FJX1: variants seen among roughly 807,000 people sequenced by gnomAD.
FJX1 encodes four-jointed box kinase 1, also known as four-jointed box protein 1.
In FJX1, 21 loss-of-function variants were observed where a neutral mutation model predicts 28.7. That is an observed-to-expected ratio of 0.73 (90% CI 0.52 to 1.05). The LOEUF (loss-of-function observed/expected upper bound fraction) is 1.05, where lower values mean the gene tolerates loss of function less well. FJX1 is among the 50% of genes least tolerant of loss of function. The probability of loss-of-function intolerance (pLI) is 0.00; values close to 1 mark genes in which losing one functional copy is unlikely to be tolerated. For synonymous variants in FJX1, 363 were observed against 310.0 expected, an observed-to-expected ratio of 1.17 and a Z score of -1.80; for missense variants, 683 against 647.2, an observed-to-expected ratio of 1.06 and a Z score of -0.60.
In FJX1 at chr11:35,620,061, G is replaced by A; in HGVS notation, c.*111G>A. ...CAGCCGGCCAACGCCCACCCGCAAA[G>A]GTGTCTAAAAACTTCAGCTTTTCAC... On this transcript the variant is annotated 3_prime_UTR_variant, in exon 1 of 1. Transcript: ENST00000317811. The A allele has an allele frequency of 6.8e-7, 1 of 1,481,418 alleles. No homozygotes were observed. The highest frequency in any genetic ancestry group is 9.0e-7 in the Non-Finnish European group (1 of 1,107,812). 91.8% of individuals were successfully genotyped at this position (1,481,418 alleles called of 1,614,324 possible).
Position 35,620,024 on chromosome 11 carries a change from A to G in FJX1, c.*74A>G. The G allele has an allele frequency of 2.6e-6, 4 of 1,535,222 alleles. No individual in the cohort carries two copies. Among genetic ancestry groups the G allele is most frequent in the Non-Finnish European group, 3.5e-6 (4 of 1,143,080 alleles). ...GGGGGGAAGGGCGGTCGCCTCTGCC[A>G]CTGTCAGGGACCAGCCGGCCAACGC... is the stretch of plus-strand genomic sequence containing the variant. On this transcript the variant is annotated 3_prime_UTR_variant, in exon 1 of 1. Transcript: ENST00000317811.
rs1417853045 is a variant in FJX1, at chr11:35,619,087, G to A, written c.451G>A (p.Ala151Thr). 4.0e-6 allele frequency: 6 copies of A among 1,489,620 alleles called. No individual in the cohort carries two copies. The highest frequency in any genetic ancestry group is 2.0e-4 in the Middle Eastern group (1 of 4,980). The allele number at this position is 1,489,620 out of a possible 1,614,324, so 92.3% of individuals were successfully genotyped here. A position where few individuals can be genotyped will look rare whatever the true frequency, so the allele number is the denominator to read the frequency against. ...GGCGTGGCTGGAGGCGGCTCGCGGC[G>A]CCCGGATGGTGGCCCTGGAGCGCGG... ...AAAWLEAARG[A>T]RMVALERGGC... is the part of the protein sequence containing the mutation. The change falls in exon 1 of 1, where the codon GCC becomes ACC. Residue 151 changes from alanine to threonine, a missense_variant. Coordinates refer to ENST00000317811, the MANE Select transcript of FJX1 (RefSeq NM_014344.4). This position sits in a 1 kb window ranked among gnomAD's most constrained non-coding sequence, Gnocchi z 7.6.
rs770875774 is a variant in FJX1 at position 35,619,947 on chromosome 11, T to A, written c.1311T>A (p.Thr437=). The A allele has an allele frequency of 3.1e-4, 486 of 1,588,234 alleles. No homozygotes were observed. Among genetic ancestry groups the A allele is most frequent in the Non-Finnish European group, 3.7e-4 (432 of 1,168,476 alleles). ...CCAAGTACGGCCGCCGGTCTGGGAC[T>A]TAGTGTCACCGGGAGGAAAAGAGAG... ...CKAKYGRRSG[T] The change falls in exon 1 of 1, where the codon ACT becomes ACA. Residue 437 remains threonine (T), a synonymous_variant. Transcript: ENST00000317811. The surrounding 1 kb of genome is among the most constrained non-coding windows in gnomAD (Gnocchi z 7.6).
Position 35,619,684 on chromosome 11 carries a change from G to A in FJX1, c.1048G>A (p.Ala350Thr), listed in dbSNP as rs1250351286. 6.2e-7 allele frequency: 1 copy of A among 1,607,150 alleles called. No homozygotes were observed. The highest frequency in any genetic ancestry group is 8.5e-7 in the Non-Finnish European group (1 of 1,178,172). The change falls in exon 1 of 1, where the codon GCA becomes ACA. Residue 350 changes from alanine (A) to threonine (T), a missense_variant. Transcript: ENST00000317811. The surrounding 1 kb of genome is among the most constrained non-coding windows in gnomAD (Gnocchi z 7.6). Reference protein sequence around the residue: ...EAGLVHGYRVAGMWDKYNEPL... With the variant: ...EAGLVHGYRVTGMWDKYNEPL... ...GGGCTTGGTGCACGGCTACCGGGTA[G>A]CAGGCATGTGGGACAAGTATAACGA...
Position 35,619,516 on chromosome 11 carries a change from C to G in FJX1, c.880C>G (p.Leu294Val). The G allele has an allele frequency of 6.3e-7, 1 of 1,599,920 alleles. No individual in the cohort carries two copies. The change falls in exon 1 of 1, where the codon CTT becomes GTT. Residue 294 changes from leucine (L) to valine (V), a missense_variant. Leu to Val is a conservative substitution (Grantham distance 32, BLOSUM62 1). Coordinates refer to ENST00000317811, the MANE Select transcript of FJX1 (RefSeq NM_014344.4). This position sits in a 1 kb window ranked among gnomAD's most constrained non-coding sequence, Gnocchi z 7.6. ...VDLVQWTDLI[L>V]FDYLTANFDR... ...CCTAGTACAATGGACCGACTTAATC[C>G]TTTTCGACTACCTGACGGCCAACTT...
At position 35,619,505 on chromosome 11, in the gene FJX1, C is replaced by G. The variant is rs1412746215; in HGVS notation, c.869C>G (p.Thr290Ser). The change falls in exon 1 of 1, where the codon ACC becomes AGC. Residue 290 changes from threonine (T) to serine (S), a missense_variant. Transcript: ENST00000317811. The surrounding 1 kb of genome is among the most constrained non-coding windows in gnomAD (Gnocchi z 7.6). ...GAGCTGGTGGACCTAGTACAATGGACCGACTTAATCCTTTTCGACTACCTG... is the reference window on the plus strand; with the variant it reads ...GAGCTGGTGGACCTAGTACAATGGAGCGACTTAATCCTTTTCGACTACCTG... The part of the protein sequence containing the change: ...QAELVDLVQW[T>S]DLILFDYLTA... 3.1e-6 allele frequency: 5 copies of G among 1,599,512 alleles called. No homozygotes were observed. In the African/African-American group the frequency reaches 4.0e-5, roughly 13 times the overall value.
In FJX1 at chr11:35,618,827, T is replaced by C; in HGVS notation, c.191T>C (p.Leu64Pro). ...CCCGCGCCCGCGCCTCGCTTCCCTC[T>C]GCCCCCGCCCCTGGCGTGGGACGCC... The part of the protein sequence containing the change: ...GGPAPAPRFP[L>P]PPPLAWDARG... The change falls in exon 1 of 1, where the codon CTG (leucine) becomes CCG (proline). Residue 64 changes from leucine (L) to proline (P), a missense_variant. Physicochemically the swap from Leu to Pro is moderately conservative, Grantham distance 98. Transcript: ENST00000317811. This position sits in a 1 kb window ranked among gnomAD's most constrained non-coding sequence, Gnocchi z 4.2. 1 of 1,304,266 alleles carries C rather than the reference T, an allele frequency of 7.7e-7. No homozygotes were observed. The highest frequency in any genetic ancestry group is 3.3e-5 in the East Asian group (1 of 30,684). 80.8% of individuals were successfully genotyped at this position (1,304,266 alleles called of 1,614,324 possible).
Position 35,618,758 on chromosome 11 carries a change from C to T in FJX1, c.122C>T (p.Pro41Leu). Reference sequence around the variant, plus strand: ...CGGACCGAGCTGCCCGCCTCCCGGCCGCCCGAAGACCGACTCCCACGGCGC... The same window carrying T: ...CGGACCGAGCTGCCCGCCTCCCGGCTGCCCGAAGACCGACTCCCACGGCGC... ...PPRTELPASR[P>L]PEDRLPRRPA... is the part of the protein sequence containing the mutation. The change falls in exon 1 of 1, where the codon CCG becomes CTG. Residue 41 changes from proline (P) to leucine (L), a missense_variant. Coordinates refer to ENST00000317811, the MANE Select transcript of FJX1 (RefSeq NM_014344.4). The surrounding 1 kb of genome is among the most constrained non-coding windows in gnomAD (Gnocchi z 4.2). 8.0e-7 allele frequency: 1 copy of T among 1,250,192 alleles called. No homozygotes were observed. The highest frequency in any genetic ancestry group is 1.0e-6 in the Non-Finnish European group (1 of 987,232). 77.4% of individuals were successfully genotyped at this position (1,250,192 alleles called of 1,614,324 possible). A position where few individuals can be genotyped will look rare whatever the true frequency, so the allele number is the denominator to read the frequency against.
In FJX1 at chr11:35,618,568, C is replaced by G. The variant is rs2135462581; in HGVS notation, c.-69C>G. On this transcript the variant is annotated 5_prime_UTR_variant, in exon 1 of 1. Coordinates refer to ENST00000317811, the MANE Select transcript of FJX1 (RefSeq NM_014344.4). The surrounding 1 kb of genome is among the most constrained non-coding windows in gnomAD (Gnocchi z 4.2). ...AGCCCACAAACTGCCGGGCCCGCCTCGCCGCCGGGACCCGGGTGCCTGGGC... is the reference window on the plus strand; with the variant it reads ...AGCCCACAAACTGCCGGGCCCGCCTGGCCGCCGGGACCCGGGTGCCTGGGC... 12 of 1,083,132 alleles carry G rather than the reference C, an allele frequency of 1.1e-5. No individual in the cohort carries two copies. The highest frequency in any genetic ancestry group is 1.3e-5 in the Non-Finnish European group (12 of 894,346). 67.1% of individuals were successfully genotyped at this position (1,083,132 alleles called of 1,614,324 possible).
In FJX1 at chr11:35,620,244, G is replaced by T; in HGVS notation, c.*294G>T. ...ATTGGATCCGAAGAAACTGGCTACT[G>T]GGGTTTGGCCCCCGAGTGGCCGTCC... On this transcript the variant is annotated 3_prime_UTR_variant, in exon 1 of 1. Transcript: ENST00000317811. The T allele has an allele frequency of 2.0e-6, 1 of 507,340 alleles. No individual in the cohort carries two copies. Among genetic ancestry groups the T allele is most frequent in the Non-Finnish European group, 3.5e-6 (1 of 283,658 alleles). 31.4% of individuals were successfully genotyped at this position (507,340 alleles called of 1,614,324 possible). A position where few individuals can be genotyped will look rare whatever the true frequency, so the allele number is the denominator to read the frequency against.
chr11:35,620,664 A>G lies in FJX1; in HGVS notation c.*714A>G, dbSNP rs1850890432. 6.0e-6 allele frequency: 1 copy of G among 166,798 alleles called. No individual in the cohort carries two copies. Among genetic ancestry groups the G allele is most frequent in the Non-Finnish European group, 1.5e-5 (1 of 68,084 alleles). 10.3% of individuals were successfully genotyped at this position (166,798 alleles called of 1,614,324 possible). On this transcript the variant is annotated 3_prime_UTR_variant, in exon 1 of 1. Transcript: ENST00000317811. ...AATTTCTTCCTCCCTCTCGCAACCG[A>G]CCAAAATTTTGACAACGATGATGTT...
chr11:35,620,072 A>G lies in FJX1; in HGVS notation c.*122A>G. 6.9e-7 allele frequency: 1 copy of G among 1,445,462 alleles called. No individual in the cohort carries two copies. The highest frequency in any genetic ancestry group is 9.3e-7 in the Non-Finnish European group (1 of 1,077,444). 89.5% of individuals were successfully genotyped at this position (1,445,462 alleles called of 1,614,324 possible). A position where few individuals can be genotyped will look rare whatever the true frequency, so the allele number is the denominator to read the frequency against. On this transcript the variant is annotated 3_prime_UTR_variant, in exon 1 of 1. Transcript: ENST00000317811. ...CGCCCACCCGCAAAGGTGTCTAAAA[A>G]CTTCAGCTTTTCACCCACCTGCCCC...
In FJX1 at chr11:35,620,437, T is replaced by G. The variant is rs1850886707; in HGVS notation, c.*487T>G. 9.1e-6 allele frequency: 2 copies of G among 220,086 alleles called. No homozygotes were observed. Among genetic ancestry groups the G allele is most frequent in the Non-Finnish European group, 1.9e-5 (2 of 103,346 alleles). The allele number at this position is 220,086 out of a possible 1,614,324, so 13.6% of individuals were successfully genotyped here. On this transcript the variant is annotated 3_prime_UTR_variant, in exon 1 of 1. Transcript: ENST00000317811. ...CTGGTGGAGCCCCCTTCCTGTGTTC[T>G]CCCTTTGTTCCAGCGCCGCGATGGT... is the stretch of plus-strand genomic sequence containing the variant.
At position 35,620,030 on chromosome 11, in the gene FJX1, A is replaced by G. The variant is rs1266861441; in HGVS notation, c.*80A>G. 1 of 1,530,692 alleles carries G rather than the reference A, an allele frequency of 6.5e-7. No individual in the cohort carries two copies. Among genetic ancestry groups the G allele is most frequent in the Non-Finnish European group, 8.8e-7 (1 of 1,140,942 alleles). 94.8% of individuals were successfully genotyped at this position (1,530,692 alleles called of 1,614,324 possible). A position where few individuals can be genotyped will look rare whatever the true frequency, so the allele number is the denominator to read the frequency against. ...AAGGGCGGTCGCCTCTGCCACTGTC[A>G]GGGACCAGCCGGCCAACGCCCACCC... On this transcript the variant is annotated 3_prime_UTR_variant, in exon 1 of 1. Transcript: ENST00000317811.
Position 35,619,721 on chromosome 11 carries a change from A to G in FJX1, c.1085A>G (p.Gln362Arg). ...GACAAGTATAACGAGCCGCTGTTGCAGTCAGTGTGCGTGTTCCGCGAGCGG... is the reference window on the plus strand; with the variant it reads ...GACAAGTATAACGAGCCGCTGTTGCGGTCAGTGTGCGTGTTCCGCGAGCGG... Reference protein sequence around the residue: ...MWDKYNEPLLQSVCVFRERTA... With the variant: ...MWDKYNEPLLRSVCVFRERTA... The change falls in exon 1 of 1, where the codon CAG (glutamine) becomes CGG (arginine). Residue 362 changes from glutamine to arginine, a missense_variant. Physicochemically the swap from Gln to Arg is conservative, Grantham distance 43. Transcript: ENST00000317811. This position sits in a 1 kb window ranked among gnomAD's most constrained non-coding sequence, Gnocchi z 7.6. 1 of 1,587,648 alleles carries G rather than the reference A, an allele frequency of 6.3e-7. No individual in the cohort carries two copies. Among genetic ancestry groups the G allele is most frequent in the Non-Finnish European group, 8.6e-7 (1 of 1,168,414 alleles).
Position 35,619,594 on chromosome 11 carries a change from C to T in FJX1, c.958C>T (p.Gln320Ter). The stretch of plus-strand genomic sequence containing the variant: ...CCTGCAGTGGGACCCGCGCGTCATG[C>T]AGCGTGCCACCAGCAACCTGCACCG... Reference protein sequence around the residue: ...FSLQWDPRVMQRATSNLHRGP... With the variant: ...FSLQWDPRVM Residue 320 changes from glutamine to a stop codon, truncating the protein, a stop_gained, in exon 1 of 1, where the codon CAG becomes TAG. Coordinates refer to ENST00000317811, the MANE Select transcript of FJX1 (RefSeq NM_014344.4). LOFTEE classifies it high-confidence loss of function. This position sits in a 1 kb window ranked among gnomAD's most constrained non-coding sequence, Gnocchi z 7.6. 1 of 1,607,728 alleles carries T rather than the reference C, an allele frequency of 6.2e-7. No individual in the cohort carries two copies.
At position 35,619,366 on chromosome 11, in the gene FJX1, C is replaced by T. The variant is rs762629370; in HGVS notation, c.730C>T (p.Arg244Cys). The T allele has an allele frequency of 4.4e-6, 7 of 1,588,460 alleles. No homozygotes were observed. In the South Asian group the frequency reaches 6.7e-5, roughly 15 times the overall value. ...CGAGGGCAGCGTGGTGAGCCTGACA[C>T]GCTGGCTGCCCAACCTCACGGACGT... ...WTEGSVVSLTRWLPNLTDVVV... is the reference protein window; with the variant it reads ...WTEGSVVSLTCWLPNLTDVVV... The change falls in exon 1 of 1, where the codon CGC becomes TGC. Residue 244 changes from arginine to cysteine, a missense_variant. By Grantham distance (180) the Arg-to-Cys change is radical. Coordinates refer to ENST00000317811, the MANE Select transcript of FJX1 (RefSeq NM_014344.4). The surrounding 1 kb of genome is among the most constrained non-coding windows in gnomAD (Gnocchi z 7.6).
rs1335142633 is a variant in FJX1 at position 35,619,111 on chromosome 11, G to A, written c.475G>A (p.Gly159Arg). 6 of 1,529,176 alleles carry A rather than the reference G, an allele frequency of 3.9e-6. No homozygotes were observed. The highest frequency in any genetic ancestry group is 5.2e-6 in the Non-Finnish European group (6 of 1,150,114). The allele number at this position is 1,529,176 out of a possible 1,614,324, so 94.7% of individuals were successfully genotyped here. A position where few individuals can be genotyped will look rare whatever the true frequency, so the allele number is the denominator to read the frequency against. ...RGARMVALER[G>R]GCGRSSNRLA... ...CGCCCGGATGGTGGCCCTGGAGCGC[G>A]GGGGTTGCGGGCGCAGCTCCAACCG... Residue 159 changes from glycine to arginine, a missense_variant, in exon 1 of 1, where the codon GGG (glycine) becomes AGG (arginine). Physicochemically the swap from Gly to Arg is moderately radical, Grantham distance 125. Coordinates refer to ENST00000317811, the MANE Select transcript of FJX1 (RefSeq NM_014344.4). This position sits in a 1 kb window ranked among gnomAD's most constrained non-coding sequence, Gnocchi z 7.6.
chr11:35,620,289 T>G lies in FJX1; in HGVS notation c.*339T>G. 1 of 394,002 alleles carries G rather than the reference T, an allele frequency of 2.5e-6. No individual in the cohort carries two copies. Among genetic ancestry groups the G allele is most frequent in the East Asian group, 5.7e-5 (1 of 17,496 alleles). 24.4% of individuals were successfully genotyped at this position (394,002 alleles called of 1,614,324 possible). On this transcript the variant is annotated 3_prime_UTR_variant, in exon 1 of 1. Coordinates refer to ENST00000317811, the MANE Select transcript of FJX1 (RefSeq NM_014344.4). Reference sequence around the variant, plus strand: ...CCGTCCCTGTGGGAGATGCACCCCATTCTTGGGCCCCCCCTCATTCCCTTT... The same window carrying G: ...CCGTCCCTGTGGGAGATGCACCCCAGTCTTGGGCCCCCCCTCATTCCCTTT...
Sources: gnomAD v4.1 joint callset for allele counts on GRCh38, gnomAD v4.1.1 for gene constraint, Gnocchi (gnomAD v3.1) non-coding constraint, MANE v1.5 for transcripts, NCBI Gene and HGNC (gene_info 2026-07-23, HGNC 2026-07-21) for gene names.